KCNS3: variants seen among roughly 807,000 people sequenced by gnomAD.
The protein encoded by KCNS3 is potassium voltage-gated channel modifier subfamily S member 3.
A neutral mutation model predicts 31.0 loss-of-function variants in KCNS3; 13 were observed. The observed-to-expected ratio is 0.42, with a 90% CI of 0.27 to 0.67. KCNS3 has a LOEUF of 0.67. KCNS3 is among the 30% of genes least tolerant of loss of function. KCNS3 has a pLI of 0.25. For synonymous variants in KCNS3, 238 were observed against 241.5 expected (o/e 0.99, Z 0.13); for missense variants, 545 against 622.4 (o/e 0.88, Z 1.32).
chr2:17,893,039 C>T (rs1661896697), intron 1 of KCNS3, among the ~76,000 whole-genome samples: 1 of 152,142 alleles, frequency 6.6e-6, no homozygotes, highest in Non-Finnish European at 1.5e-5. Flanking sequence ...AAAGGACCAT[C>T]AGGTGGGGGT....
At position 17,932,197 on chromosome 2, in the gene KCNS3, G is replaced by A. The variant is rs765827628; in HGVS notation, c.1189G>A (p.Val397Met). The stretch of plus-strand genomic sequence containing the variant: ...CACATGCATCATCTGTGGCATCTTG[G>A]TGGTGGCCCTTCCCATCACCATCAT... ...ASTCIICGIL[V>M]VALPITIIFN... Residue 397 changes from valine to methionine, a missense_variant, in exon 3 of 3, where the codon GTG becomes ATG. By Grantham distance (21) the Val-to-Met change is conservative. Transcript: ENST00000304101. 6 of 1,613,942 alleles carry A rather than the reference G, an allele frequency of 3.7e-6. No homozygotes were observed. Among genetic ancestry groups the A allele is most frequent in the South Asian group, 3.3e-5 (3 of 91,070 alleles).
intron 2 of KCNS3, among the ~76,000 whole-genome samples, chr2:17,918,656 G>A (rs999059897): frequency 2.6e-5 from 4 of 152,228 alleles, no homozygotes; most frequent in African/African-American, 4.8e-5. Context: ...TAGATTGTGG[G>A]CAGCACTTAG....
chr2:17,931,296 A>T lies in KCNS3; in HGVS notation c.288A>T (p.Val96=). The T allele has an allele frequency of 6.2e-7, 1 of 1,614,174 alleles. No individual in the cohort carries two copies. The highest frequency in any genetic ancestry group is 8.5e-7 in the Non-Finnish European group (1 of 1,180,026). ...GKLHVMEELC[V]FSFCQEIEYW... ...TGCATGTCATGGAGGAGCTGTGCGT[A>T]TTCTCATTCTGCCAGGAGATCGAGT... The change falls in exon 3 of 3, where the codon GTA becomes GTT. Residue 96 remains valine (V), a synonymous_variant. Coordinates refer to ENST00000304101, the MANE Select transcript of KCNS3 (RefSeq NM_002252.5). The surrounding 1 kb of genome is among the most constrained non-coding windows in gnomAD (Gnocchi z 5.4).
chr2:17,921,956 T>TATATATAA (rs1572501102), intron 2 of KCNS3, among the ~76,000 whole-genome samples: 1 of 136,732 alleles, frequency 7.3e-6, no homozygotes, highest in East Asian at 2.1e-4. Context: ...TATATATATA[T>TATATATAA]ATAAATACAT....
rs759806398 is a variant in KCNS3, at chr2:17,931,547, A to G, written c.539A>G (p.Tyr180Cys). ...KIWIRMENPA[Y>C]CLSAKLIAIS... ...TGGATTAGAATGGAGAATCCAGCGTACTGCCTGTCCGCTAAGCTTATCGCT... is the reference window on the plus strand; with the variant it reads ...TGGATTAGAATGGAGAATCCAGCGTGCTGCCTGTCCGCTAAGCTTATCGCT... Residue 180 changes from tyrosine (Y) to cysteine (C), a missense_variant, in exon 3 of 3, where the codon TAC (tyrosine) becomes TGC (cysteine). Coordinates refer to ENST00000304101, the MANE Select transcript of KCNS3 (RefSeq NM_002252.5). The surrounding 1 kb of genome is among the most constrained non-coding windows in gnomAD (Gnocchi z 5.4). 7 of 1,614,072 alleles carry G rather than the reference A, an allele frequency of 4.3e-6. No individual in the cohort carries two copies. Among genetic ancestry groups the G allele is most frequent in the African/African-American group, 1.3e-5 (1 of 74,940 alleles).
chr2:17,887,724 C>T (rs1050967716), intron 1 of KCNS3, among the ~76,000 whole-genome samples: 1 of 150,478 alleles, frequency 6.6e-6, no homozygotes, highest in Non-Finnish European at 1.5e-5. Flanking sequence ...GGTAGTTCTA[C>T]TTTTAGTTCT....
At chr2:17,926,304 G>A (rs996838671) in intron 2 of KCNS3, among the ~76,000 whole-genome samples, 2 of 152,192 alleles carry the variant, frequency 1.3e-5, no homozygotes, top group African/African-American at 2.4e-5. Flanking sequence ...TTTTCCAGGT[G>A]CTCAGTGCAA....
At chr2:17,891,430 C>T (rs1251870671) in intron 1 of KCNS3, among the ~76,000 whole-genome samples, 1 of 152,084 alleles carries the variant, frequency 6.6e-6, no homozygotes, top group Non-Finnish European at 1.5e-5. Context: ...TGTGAGGTAC[C>T]ATTGCATTCA....
In KCNS3 at chr2:17,894,146, A is replaced by G. The variant is rs10168055; in HGVS notation, c.-252+15340A>G. Among the ~76,000 whole-genome samples, 277 of 152,128 alleles carry G rather than the reference A, an allele frequency of 1.8e-3. 2 individuals are homozygous for G. The highest frequency in any genetic ancestry group is 6.4e-3 in the African/African-American group (267 of 41,470). Reference sequence around the variant, plus strand: ...TACAGTCCTTCATTTATGTTATGTGAGCAACTCAGAAACAATTTCCATGCA... The same window carrying G: ...TACAGTCCTTCATTTATGTTATGTGGGCAACTCAGAAACAATTTCCATGCA... On this transcript the variant is annotated intron_variant, in intron 1 of 2. Transcript: ENST00000304101.
chr2:17,931,225 C>T lies in KCNS3; in HGVS notation c.217C>T (p.Pro73Ser). 1.9e-6 allele frequency: 3 copies of T among 1,614,090 alleles called. No individual in the cohort carries two copies. The highest frequency in any genetic ancestry group is 2.5e-6 in the Non-Finnish European group (3 of 1,179,994). Reference sequence around the variant, plus strand: ...TAAGGAGTACTACTTTGATCGGAATCCCTCCTTGTTCAGATATGTTTTGAA... The same window carrying T: ...TAAGGAGTACTACTTTGATCGGAATTCCTCCTTGTTCAGATATGTTTTGAA... ...ADKEYYFDRN[P>S]SLFRYVLNFY... The change falls in exon 3 of 3, where the codon CCC becomes TCC. Residue 73 changes from proline (P) to serine (S), a missense_variant. Pro to Ser is a moderately conservative substitution (Grantham distance 74, BLOSUM62 -1). Coordinates refer to ENST00000304101, the MANE Select transcript of KCNS3 (RefSeq NM_002252.5). The surrounding 1 kb of genome is among the most constrained non-coding windows in gnomAD (Gnocchi z 5.4).
chr2:17,878,148 ACTCTC>A (rs2125227401), upstream of KCNS3: 1 of 152,082 alleles, frequency 6.6e-6, no homozygotes, highest in African/African-American at 2.4e-5. Flanking sequence ...AGCTATATGT[ACTCTC>A]CTTCGCACTT....
intron 1 of KCNS3, among the ~76,000 whole-genome samples, chr2:17,893,283 C>T (rs1661902485): frequency 6.6e-6 from 1 of 152,158 alleles, no homozygotes; most frequent in South Asian, 2.1e-4. Flanking sequence ...CTCCTACAGC[C>T]TGGAGTCTGT....
At chr2:17,926,010 A>T (rs1662829711) in intron 2 of KCNS3, among the ~76,000 whole-genome samples, 1 of 152,244 alleles carries the variant, frequency 6.6e-6, no homozygotes. Flanking sequence ...GGGTACAGGC[A>T]TTGGATAAAT....
Position 17,881,936 on chromosome 2 carries a change from A to T in KCNS3, c.-252+3130A>T, listed in dbSNP as rs140682425. 2.0e-5 allele frequency among the ~76,000 whole-genome samples: 3 copies of T among 152,340 alleles called. No homozygotes were observed. The East Asian group carries it at 5.8e-4, about 29-fold the overall frequency. On this transcript the variant is annotated intron_variant, in intron 1 of 2. Coordinates refer to ENST00000304101, the MANE Select transcript of KCNS3 (RefSeq NM_002252.5). ...TGAAATTCTGCCCAGCTGGTTAGGA[A>T]AAAAGGAAGATAAACCATAAAGATC... is the stretch of plus-strand genomic sequence containing the variant.
intron 1 of KCNS3, among the ~76,000 whole-genome samples, chr2:17,902,114 T>C (rs1460998103): frequency 2.0e-5 from 3 of 152,226 alleles, no homozygotes; most frequent in Non-Finnish European, 4.4e-5. Context: ...ATGGTGTTAG[T>C]GAATTGCAGA....
intron 1 of KCNS3, among the ~76,000 whole-genome samples, chr2:17,915,796 C>T (rs1047825431): frequency 1.3e-5 from 2 of 152,066 alleles, no homozygotes; most frequent in East Asian, 3.8e-4. Context: ...AAATTCATAA[C>T]AAGAGATATT....
intron 1 of KCNS3, among the ~76,000 whole-genome samples, chr2:17,912,034 C>G: frequency 6.6e-6 from 1 of 152,170 alleles, no homozygotes; most frequent in Non-Finnish European, 1.5e-5. Flanking sequence ...ACAGAGTATT[C>G]ATTGCATGGC....
chr2:17,909,302 T>G (rs554858731), intron 1 of KCNS3, among the ~76,000 whole-genome samples: 1 of 152,320 alleles, frequency 6.6e-6, no homozygotes, highest in East Asian at 1.9e-4. Context: ...CTAAGACCGT[T>G]GGAAAAGTGC....
At chr2:17,910,358 G>A (rs1252559405) in intron 1 of KCNS3, among the ~76,000 whole-genome samples, 1 of 152,094 alleles carries the variant, frequency 6.6e-6, no homozygotes, top group Non-Finnish European at 1.5e-5. Flanking sequence ...CATTTTTAAT[G>A]GAAGGAATTG....
Sources: gnomAD v4.1 joint callset for allele counts (sites outside exome capture counted in the v4.1 genomes callset) on GRCh38, gnomAD v4.1.1 for gene constraint, Gnocchi (gnomAD v3.1) non-coding constraint, MANE v1.5 for transcripts, NCBI Gene and HGNC (gene_info 2026-07-23, HGNC 2026-07-21) for gene names.